The following GLMN variants were observed in gnomAD, a reference collection of about 807,000 sequenced individuals.
GLMN encodes the protein glomulin.
Under a neutral mutation model 87.8 loss-of-function variants are expected in GLMN, and 75 were observed. The observed-to-expected ratio is 0.85, with a 90% CI of 0.71 to 1.04. The LOEUF is 1.04. GLMN is among the 50% of genes least tolerant of loss of function. The pLI is 0.00. For synonymous variants in GLMN, 206 were observed against 221.6 expected (o/e 0.93, Z 0.63); for missense variants, 588 against 658.8 (o/e 0.89, Z 1.18).
At chr1:92,323,882 G>A in the GLMN span, 1 of 1,613,990 alleles carries the variant, frequency 6.2e-7, no homozygotes, top group South Asian at 1.1e-5. Flanking sequence ...GAATACAGTA[G>A]GTCAGAAATA....
intron 16 of GLMN, among the ~76,000 whole-genome samples, chr1:92,261,446 A>C (rs997096787): frequency 3.3e-5 from 5 of 152,182 alleles, no homozygotes; most frequent in African/African-American, 9.7e-5. Flanking sequence ...GTACCACTGT[A>C]ATCCAGCCTG....
intron 16 of GLMN, among the ~76,000 whole-genome samples, chr1:92,257,667 A>G (rs1654441535): frequency 6.6e-6 from 1 of 152,210 alleles, no homozygotes; most frequent in Non-Finnish European, 1.5e-5. Context: ...TATTTAATAA[A>G]TGGTGCTGGG....
the GLMN span, among the ~76,000 whole-genome samples, chr1:92,340,517 CAG>C: frequency 6.6e-6 from 1 of 152,192 alleles, no homozygotes. Context: ...ACTTGTAGAA[CAG>C]TGATTCTCAA....
intron 16 of GLMN, among the ~76,000 whole-genome samples, chr1:92,257,694 A>G (rs1447026831): frequency 6.6e-6 from 1 of 152,250 alleles, no homozygotes; most frequent in Non-Finnish European, 1.5e-5. Flanking sequence ...GGCTAGCCAT[A>G]TGCAGAAAAC....
At chr1:92,261,518 G>T (rs1202294878) in intron 16 of GLMN, among the ~76,000 whole-genome samples, 3 of 152,174 alleles carry the variant, frequency 2.0e-5, no homozygotes, top group East Asian at 1.9e-4. Flanking sequence ...CAGAATAGTG[G>T]TTGTCCCTGG....
chr1:92,309,560 TACAC>T, the GLMN span, among the ~76,000 whole-genome samples: 309 of 77,306 alleles, frequency 4.0e-3, no homozygotes, highest in Non-Finnish European at 6.4e-3. Flanking sequence ...CACATACACA[TACAC>T]ATACACATAT....
chr1:92,274,160 G>C (rs1487538), intron 7 of GLMN, among the ~76,000 whole-genome samples: 7,297 of 152,072 alleles, frequency 0.048, 595 homozygotes, highest in African/African-American at 0.17. Flanking sequence ...CTTACTGCTG[G>C]CTCTTTCTAC....
intron 2 of GLMN, 155 bp from the exon 3 acceptor site, chr1:92,297,684 A>G (rs1375208665): frequency 1.0e-5 from 7 of 692,084 alleles, no homozygotes; most frequent in Non-Finnish European, 1.7e-5. Context: ...CAAAATTAGG[A>G]TTACCCTAAT....
At chr1:92,367,724 C>G in the GLMN span, among the ~76,000 whole-genome samples, 1 of 152,182 alleles carries the variant, frequency 6.6e-6, no homozygotes, top group Non-Finnish European at 1.5e-5. Context: ...CCTCCAACCC[C>G]AAACCATAGA....
At chr1:92,351,727 TAGA>T in the GLMN span, among the ~76,000 whole-genome samples, 1 of 152,176 alleles carries the variant, frequency 6.6e-6, no homozygotes, top group Admixed American at 6.6e-5. Flanking sequence ...AGAAGACATA[TAGA>T]AGGCTATCGA....
At chr1:92,260,762 A>AT (rs1198200010) in intron 16 of GLMN, among the ~76,000 whole-genome samples, 13 of 71,966 alleles carry the variant, frequency 1.8e-4, no homozygotes, top group South Asian at 9.5e-4. Flanking sequence ...TCTCTTTGAG[A>AT]TGGAAAAAAA....
chr1:92,322,845 C>T, the GLMN span, among the ~76,000 whole-genome samples: 2 of 56,288 alleles, frequency 3.6e-5, no homozygotes, highest in Admixed American at 2.5e-4. Flanking sequence ...CCATTGCACT[C>T]CAGCCTGGGC....
chr1:92,297,328 T>C lies in GLMN; in HGVS notation c.165+76A>G, dbSNP rs986158332. On this transcript the variant is annotated intron_variant, in intron 3 of 18. Transcript: ENST00000370360. The stretch of plus-strand genomic sequence containing the variant: ...AGTAGATTCTTAAATGTTTGATGGA[T>C]AAATGACTGGATGAATAGCATCATG... 6 of 1,573,886 alleles carry C rather than the reference T, an allele frequency of 3.8e-6. No individual in the cohort carries two copies. The African/African-American group carries it at 5.4e-5, about 14-fold the overall frequency.
At chr1:92,314,493 G>A in the GLMN span, among the ~76,000 whole-genome samples, 1 of 152,158 alleles carries the variant, frequency 6.6e-6, no homozygotes, top group Admixed American at 6.5e-5. Context: ...GCTAACACCA[G>A]TAATCCAGCA....
intron 13 of GLMN, among the ~76,000 whole-genome samples, chr1:92,265,323 C>CAAAAA (rs67154270): frequency 1.1e-5 from 1 of 87,486 alleles, no homozygotes; most frequent in Admixed American, 1.2e-4. Context: ...AGCTTAATTG[C>CAAAAA]AAAAAAAAAA....
At chr1:92,306,192 A>G in the GLMN span, among the ~76,000 whole-genome samples, 3 of 152,190 alleles carry the variant, frequency 2.0e-5, no homozygotes, top group Non-Finnish European at 2.9e-5. Flanking sequence ...ACAGAGACAG[A>G]AAGTAGAATG....
At chr1:92,282,690 TGC>T (rs1467361359) in intron 7 of GLMN, among the ~76,000 whole-genome samples, 1 of 152,150 alleles carries the variant, frequency 6.6e-6, no homozygotes, top group African/African-American at 2.4e-5. Context: ...ATCCAGGAGC[TGC>T]TTTTTTGAAA....
Position 92,266,869 on chromosome 1 carries a change from A to C in GLMN, c.1099-128T>G, listed in dbSNP as rs964764387. The C allele has an allele frequency of 9.2e-6, 6 of 654,476 alleles. No individual in the cohort carries two copies. The African/African-American group carries it at 9.2e-5, about 10-fold the overall frequency. The allele number at this position is 654,476 out of a possible 1,614,324, so 40.5% of individuals were successfully genotyped here. ...GGGTAGGAGATTTAAAAGTGAAGTA[A>C]ATTAATTTTTCCCTAAGCCTTCCAT... is the stretch of plus-strand genomic sequence containing the variant. On this transcript the variant is annotated intron_variant, in intron 11 of 18. Transcript: ENST00000370360.
intron 11 of GLMN, among the ~76,000 whole-genome samples, chr1:92,267,433 G>A (rs1655758765): frequency 6.6e-6 from 1 of 152,172 alleles, no homozygotes; most frequent in Non-Finnish European, 1.5e-5. Context: ...GCTGGGTGTG[G>A]TGGCTCACAC....
Sources: gnomAD v4.1 joint callset for allele counts (sites outside exome capture counted in the v4.1 genomes callset) on GRCh38, gnomAD v4.1.1 for gene constraint, MANE v1.5 for transcripts, NCBI Gene and HGNC (gene_info 2026-07-23, HGNC 2026-07-21) for gene names.